BMP6: variants seen among roughly 807,000 people sequenced by gnomAD.
The protein encoded by BMP6 is bone morphogenetic protein 6.
Under a neutral mutation model 54.1 loss-of-function variants are expected in BMP6, and 17 were observed. The observed-to-expected ratio is 0.31, with a 90% CI of 0.22 to 0.47. BMP6 has a LOEUF of 0.47. Ranked by LOEUF, BMP6 falls within the 20% of genes least tolerant of loss-of-function variation. The probability of loss-of-function intolerance (pLI) is 1.00; values close to 1 mark genes in which losing one functional copy is unlikely to be tolerated. For missense variants in BMP6, 720 were observed against 690.4 expected (o/e 1.04, Z -0.48); for synonymous variants, 328 against 291.2 (o/e 1.13, Z -1.28).
At chr6:7,870,245 T>A (rs1321171833) in intron 4 of BMP6, among the ~76,000 whole-genome samples, 1 of 152,002 alleles carries the variant, frequency 6.6e-6, no homozygotes, top group Non-Finnish European at 1.5e-5. Flanking sequence ...TATTCCGAGG[T>A]GAATTCTGGA....
At chr6:7,820,106 A>G (rs949942455) in intron 1 of BMP6, among the ~76,000 whole-genome samples, 8 of 152,240 alleles carry the variant, frequency 5.3e-5, no homozygotes, top group Non-Finnish European at 1.5e-5. Flanking sequence ...AAATAAGACA[A>G]TAGAAATTAT....
chr6:7,849,555 A>C (rs946477050), intron 2 of BMP6, among the ~76,000 whole-genome samples: 1 of 152,104 alleles, frequency 6.6e-6, no homozygotes, highest in African/African-American at 2.4e-5. Context: ...TGCACTCATG[A>C]TCTTTGTTCT....
intron 1 of BMP6, among the ~76,000 whole-genome samples, chr6:7,838,827 A>G: frequency 6.6e-6 from 1 of 151,802 alleles, no homozygotes. Flanking sequence ...CTGGAGTCCC[A>G]GCTACTCGGG....
intron 1 of BMP6, among the ~76,000 whole-genome samples, chr6:7,805,049 ATTG>A (rs1345938852): frequency 6.6e-6 from 1 of 152,194 alleles, no homozygotes; most frequent in African/African-American, 2.4e-5. Context: ...AAGCAATTTT[ATTG>A]TTGAAAGTTT....
chr6:7,790,514 CAAAAAAAAAAAAAAAA>C lies in BMP6; in HGVS notation c.665-54609_665-54594del, dbSNP rs35572440. On this transcript the variant is annotated intron_variant, in intron 1 of 6. Coordinates refer to ENST00000283147, the MANE Select transcript of BMP6 (RefSeq NM_001718.6). ...AGGGTGACACAGTGAGACCCTGTCT[CAAAAAAAAAAAAAAAA>C]AAAAAAAAAAAAAAAAGACACACAC... Among the ~76,000 whole-genome samples, 47 of 73,502 alleles carry C rather than the reference CAAAAAAAAAAAAAAAA, an allele frequency of 6.4e-4. 1 individual carries two copies. Among genetic ancestry groups the C allele is most frequent in the African/African-American group, 2.6e-3 (38 of 14,470 alleles). The allele number at this position is 73,502 out of a possible 152,430, so 48.2% of individuals were successfully genotyped here.
At chr6:7,739,146 G>T (rs752479) in intron 1 of BMP6, among the ~76,000 whole-genome samples, 125,990 of 152,190 alleles carry the variant, frequency 0.83, 54,069 homozygotes, top group East Asian at 1. Context: ...AATTTTGGAA[G>T]CAAGTGTCTG....
At chr6:7,755,375 A>C (rs1000054938) in intron 1 of BMP6, among the ~76,000 whole-genome samples, 2 of 152,170 alleles carry the variant, frequency 1.3e-5, no homozygotes, top group Non-Finnish European at 2.9e-5. Context: ...TAAGGTTTAT[A>C]GTATATGTGC....
intron 2 of BMP6, among the ~76,000 whole-genome samples, chr6:7,857,650 C>T (rs1454397914): frequency 6.6e-6 from 1 of 152,176 alleles, no homozygotes; most frequent in Non-Finnish European, 1.5e-5. Context: ...GAAGGGAAAG[C>T]TTATTTTTCA....
At position 7,880,325 on chromosome 6, in the gene BMP6, A is replaced by T. The variant is rs1241070171; in HGVS notation, c.1524A>T (p.Arg508Ser). 1 of 1,614,000 alleles carries T rather than the reference A, an allele frequency of 6.2e-7. No individual in the cohort carries two copies. Among genetic ancestry groups the T allele is most frequent in the Non-Finnish European group, 8.5e-7 (1 of 1,180,044 alleles). Residue 508 changes from arginine (R) to serine (S), a missense_variant, in exon 7 of 7, where the codon AGA (arginine) becomes AGT (serine). Physicochemically the swap from Arg to Ser is moderately radical, Grantham distance 110 (BLOSUM62 -1). Coordinates refer to ENST00000283147, the MANE Select transcript of BMP6 (RefSeq NM_001718.6). ...ILKKYRNMVV[R>S]ACGCH ...AAAAATACAGGAATATGGTTGTAAGAGCTTGTGGATGCCACTAACTCGAAA... is the reference window on the plus strand; with the variant it reads ...AAAAATACAGGAATATGGTTGTAAGTGCTTGTGGATGCCACTAACTCGAAA...
intron 1 of BMP6, among the ~76,000 whole-genome samples, chr6:7,742,312 A>G (rs916770476): frequency 9.2e-5 from 14 of 152,186 alleles, no homozygotes; most frequent in Non-Finnish European, 8.8e-5. Context: ...GCTGAGTCTC[A>G]ATTTAAATTT....
chr6:7,793,675 A>T (rs1251741667), intron 1 of BMP6, among the ~76,000 whole-genome samples: 1 of 152,204 alleles, frequency 6.6e-6, no homozygotes, highest in East Asian at 1.9e-4. Context: ...ATAGCTGTAA[A>T]CCCAAAAGTG....
chr6:7,838,691 C>G (rs543947686), intron 1 of BMP6, among the ~76,000 whole-genome samples: 137 of 152,174 alleles, frequency 9.0e-4, no homozygotes, highest in African/African-American at 3.3e-3. Context: ...GCCTGTAATC[C>G]CAGCACTTTG....
chr6:7,765,691 G>T (rs575488833), intron 1 of BMP6, among the ~76,000 whole-genome samples: 2 of 152,202 alleles, frequency 1.3e-5, no homozygotes, highest in African/African-American at 2.4e-5. Context: ...CACAAACCTA[G>T]TGGCTTACAA....
At chr6:7,795,467 G>A (rs1208144954) in intron 1 of BMP6, among the ~76,000 whole-genome samples, 2 of 152,210 alleles carry the variant, frequency 1.3e-5, no homozygotes, top group African/African-American at 2.4e-5. Context: ...GGATCCCCAA[G>A]GCAGAGGGAT....
In BMP6 at chr6:7,800,337, CT is replaced by C. The variant is rs1430956883; in HGVS notation, c.665-44800del. ...TATGGAGAGAGCTTTTAAATACAGACTTTAAAAAAGAGTCAGATAATTCCAG... is the reference window on the plus strand; with the variant it reads ...TATGGAGAGAGCTTTTAAATACAGACTTAAAAAAGAGTCAGATAATTCCAG... On this transcript the variant is annotated intron_variant, in intron 1 of 6. Transcript: ENST00000283147. Among the ~76,000 whole-genome samples, 23 of 152,104 alleles carry C rather than the reference CT, an allele frequency of 1.5e-4. 1 individual carries two copies. The highest frequency in any genetic ancestry group is 2.2e-4 in the Non-Finnish European group (15 of 68,010).
At chr6:7,816,157 T>C (rs770416976) in intron 1 of BMP6, among the ~76,000 whole-genome samples, 1 of 152,196 alleles carries the variant, frequency 6.6e-6, no homozygotes, top group African/African-American at 2.4e-5. Context: ...TGGAGAGGCT[T>C]GTGTGTGTAC....
chr6:7,728,005 C>T (rs1761778498), intron 1 of BMP6, among the ~76,000 whole-genome samples: 1 of 152,160 alleles, frequency 6.6e-6, no homozygotes, highest in African/African-American at 2.4e-5. Context: ...TGTGGCCATC[C>T]TGGGAAGAGG....
At chr6:7,838,271 T>C (rs763780844) in intron 1 of BMP6, among the ~76,000 whole-genome samples, 4 of 152,152 alleles carry the variant, frequency 2.6e-5, no homozygotes, top group Non-Finnish European at 5.9e-5. Flanking sequence ...TTTTCCTAGG[T>C]ATGCACGTAT....
chr6:7,879,414 A>G (rs539732156), intron 5 of BMP6, among the ~76,000 whole-genome samples: 1 of 152,246 alleles, frequency 6.6e-6, no homozygotes, highest in Admixed American at 6.5e-5. Context: ...ACATTTCCCA[A>G]TATTCTCACC....
Sources: allele counts gnomAD v4.1 joint callset (sites outside exome capture counted in the v4.1 genomes callset), GRCh38; gene constraint gnomAD v4.1.1; transcripts MANE v1.5; gene names NCBI Gene and HGNC (gene_info 2026-07-23, HGNC 2026-07-21).